The following KIF9 variants were observed in gnomAD, a reference collection of about 807,000 sequenced individuals.
The protein encoded by KIF9 is kinesin-like protein KIF9.
A neutral mutation model predicts 94.8 loss-of-function variants in KIF9; 68 were observed. The observed-to-expected ratio is 0.72, with a 90% CI of 0.59 to 0.88. The LOEUF (loss-of-function observed/expected upper bound fraction) is 0.88. Ranked by LOEUF, KIF9 falls within the 40% of genes least tolerant of loss-of-function variation. KIF9 has a pLI of 0.00. For missense variants in KIF9, 882 were observed against 982.5 expected (o/e 0.90, Z 1.37); for synonymous variants, 343 against 362.1 (o/e 0.95, Z 0.60).
intron 12 of KIF9, among the ~76,000 whole-genome samples, chr3:47,247,007 A>ATCAGCTTCAT (rs1699967584): frequency 6.6e-6 from 1 of 152,144 alleles, no homozygotes; most frequent in Non-Finnish European, 1.5e-5. Context: ...ACCATCCTTC[A>ATCAGCTTCAT]TCAGCTTCAT....
At position 47,246,217 on chromosome 3, in the gene KIF9, G is replaced by GT. The variant is rs1699917445; in HGVS notation, c.1268dup (p.Asn423LysfsTer26). 6.2e-6 allele frequency: 10 copies of GT among 1,613,782 alleles called. No individual in the cohort carries two copies. In the East Asian group the frequency reaches 2.2e-4, roughly 36 times the overall value. ...CTCACCTCAGAACCACCCGGAACTG[G>GT]TTGAACACCTCCTTGATCTGTCTAA... On this transcript the variant is annotated frameshift_variant, in exon 13 of 21. Transcript: ENST00000684063. LOFTEE classifies it high-confidence loss of function.
intron 8 of KIF9, 48 bp from the exon 9 acceptor site, chr3:47,264,398 G>C: frequency 6.7e-7 from 1 of 1,498,556 alleles, no homozygotes; most frequent in Non-Finnish European, 9.3e-7. Context: ...TGTTTTTTCT[G>C]CTCCAAAGGA....
At chr3:47,241,066 G>GC in intron 16 of KIF9, 51 bp from the exon 17 acceptor site, 9 of 1,489,542 alleles carry the variant, frequency 6.0e-6, no homozygotes, top group Non-Finnish European at 6.5e-6. Context: ...GGCTGCCTTG[G>GC]AGCCACCAGG....
intron 10 of KIF9, among the ~76,000 whole-genome samples, chr3:47,251,336 C>T (rs1171550636): frequency 6.6e-5 from 10 of 152,138 alleles, no homozygotes; most frequent in East Asian, 3.9e-4. Context: ...GAGGTCAAGG[C>T]GGGCAGATCA....
At position 47,235,568 on chromosome 3, in the gene KIF9, G is replaced by T; in HGVS notation, c.2267C>A (p.Pro756His). The T allele has an allele frequency of 6.2e-7, 1 of 1,614,134 alleles. No individual in the cohort carries two copies. The highest frequency in any genetic ancestry group is 8.5e-7 in the Non-Finnish European group (1 of 1,179,992). The change falls in exon 20 of 21, where the codon CCT becomes CAT. Residue 756 changes from proline to histidine, a missense_variant. Physicochemically the swap from Pro to His is moderately conservative, Grantham distance 77. Coordinates refer to ENST00000684063, the MANE Select transcript of KIF9 (RefSeq NM_182902.4). ...GAAGGAGATGGAATCAGGGCCCTCA[G>T]GAAGCACCCTCTGCTGCAGCTGGCT... Reference protein sequence around the residue: ...KFSQLQQRVLPEGPDSISFYN... With the variant: ...KFSQLQQRVLHEGPDSISFYN...
intron 9 of KIF9, among the ~76,000 whole-genome samples, chr3:47,260,549 T>G (rs1196771275): frequency 6.6e-6 from 1 of 152,188 alleles, no homozygotes; most frequent in African/African-American, 2.4e-5. Context: ...CCACAGCGCT[T>G]GCTGTGGCCA....
chr3:47,228,373 G>A lies in KIF9; in HGVS notation c.*279C>T, dbSNP rs1698312727. On this transcript the variant is annotated 3_prime_UTR_variant, in exon 21 of 21. Transcript: ENST00000684063. Reference sequence around the variant, plus strand: ...ATATGTCCTTTCAGACAGGAAATAAGACAAAGTTCTCAGATGAGCACTGAA... The same window carrying A: ...ATATGTCCTTTCAGACAGGAAATAAAACAAAGTTCTCAGATGAGCACTGAA... 7.3e-6 allele frequency: 3 copies of A among 411,818 alleles called. No homozygotes were observed. The highest frequency in any genetic ancestry group is 1.3e-5 in the Non-Finnish European group (3 of 224,554). 25.5% of individuals were successfully genotyped at this position (411,818 alleles called of 1,614,324 possible).
At chr3:47,268,272 C>A (rs1353764584) in intron 5 of KIF9, among the ~76,000 whole-genome samples, 2 of 152,130 alleles carry the variant, frequency 1.3e-5, no homozygotes, top group Non-Finnish European at 2.9e-5. Flanking sequence ...TTTGTAGAGA[C>A]AGGGTGGTGG....
chr3:47,243,403 T>C (rs766263354), intron 15 of KIF9, 158 bp from the exon 16 acceptor site: 11 of 504,626 alleles, frequency 2.2e-5, no homozygotes, highest in Non-Finnish European at 3.1e-5. Context: ...AATAGTGTGA[T>C]GCTAAGCCAG....
chr3:47,241,322 C>T (rs1559427360), intron 16 of KIF9, among the ~76,000 whole-genome samples: 1 of 144,794 alleles, frequency 6.9e-6, no homozygotes, highest in African/African-American at 2.5e-5. Context: ...GTATTTCTTT[C>T]TTTTTTTTTT....
At chr3:47,237,793 G>T (rs1180049681) in intron 17 of KIF9, among the ~76,000 whole-genome samples, 1 of 152,246 alleles carries the variant, frequency 6.6e-6, no homozygotes, top group Non-Finnish European at 1.5e-5. Flanking sequence ...GTCATTAATG[G>T]AAAAGCAAAT....
chr3:47,279,240 A>C (rs1268285432), intron 1 of KIF9, among the ~76,000 whole-genome samples: 1 of 150,690 alleles, frequency 6.6e-6, no homozygotes. Context: ...TGGGAGGCTG[A>C]GGATGGCAGA....
rs1025382139 is a variant in KIF9 at position 47,240,721 on chromosome 3, T to C, written c.1924+80A>G. On this transcript the variant is annotated intron_variant, in intron 17 of 20. Coordinates refer to ENST00000684063, the MANE Select transcript of KIF9 (RefSeq NM_182902.4). Reference sequence around the variant, plus strand: ...CTGGCCCCCTCCCATCTCAGACCTCTAGTGCCAAGGGCTGTTCTGCTTCAA... The same window carrying C: ...CTGGCCCCCTCCCATCTCAGACCTCCAGTGCCAAGGGCTGTTCTGCTTCAA... 6 of 1,215,008 alleles carry C rather than the reference T, an allele frequency of 4.9e-6. No individual in the cohort carries two copies. In the East Asian group the frequency reaches 9.3e-5, roughly 19 times the overall value. The allele number at this position is 1,215,008 out of a possible 1,614,324, so 75.3% of individuals were successfully genotyped here.
Position 47,236,564 on chromosome 3 carries a change from G to C in KIF9, c.1980C>G (p.Ile660Met). The C allele has an allele frequency of 6.2e-7, 1 of 1,614,078 alleles. No individual in the cohort carries two copies. The highest frequency in any genetic ancestry group is 2.2e-5 in the East Asian group (1 of 44,886). Residue 660 changes from isoleucine (I) to methionine (M), a missense_variant, in exon 18 of 21, where the codon ATC becomes ATG. Transcript: ENST00000684063. ...MIIDEEEFLLILKLKDLKKQY... is the reference protein window; with the variant it reads ...MIIDEEEFLLMLKLKDLKKQY... Reference sequence around the variant, plus strand: ...GCTTCTTGAGGTCTTTGAGCTTGAGGATCAGCAGGAATTCTTCCTCATCGA... The same window carrying C: ...GCTTCTTGAGGTCTTTGAGCTTGAGCATCAGCAGGAATTCTTCCTCATCGA...
In KIF9 at chr3:47,240,888, T is replaced by C; in HGVS notation, c.1837A>G (p.Thr613Ala). Residue 613 changes from threonine to alanine, a missense_variant, in exon 17 of 21, where the codon ACC becomes GCC. Thr to Ala is a moderately conservative substitution (Grantham distance 58). Transcript: ENST00000684063. The part of the protein sequence containing the change: ...LNERRKRASE[T>A]TQHINAIKRE... Reference sequence around the variant, plus strand: ...TTGATGGCATTGATGTGCTGTGTGGTCTCGCTGGCCCTTTTCCTCCGTTCA... The same window carrying C: ...TTGATGGCATTGATGTGCTGTGTGGCCTCGCTGGCCCTTTTCCTCCGTTCA... The C allele has an allele frequency of 6.2e-7, 1 of 1,614,184 alleles. No individual in the cohort carries two copies. The highest frequency in any genetic ancestry group is 8.5e-7 in the Non-Finnish European group (1 of 1,180,044).
chr3:47,266,465 G>A (rs1302686963), intron 7 of KIF9, among the ~76,000 whole-genome samples: 4 of 152,084 alleles, frequency 2.6e-5, no homozygotes, highest in Non-Finnish European at 4.4e-5. Context: ...GCAACATAGC[G>A]AGACCCCGTC....
chr3:47,255,497 G>A (rs1177251610), intron 10 of KIF9, among the ~76,000 whole-genome samples: 2 of 152,042 alleles, frequency 1.3e-5, no homozygotes. Context: ...TCATGTAGAA[G>A]CCTAGAGCAC....
At chr3:47,261,614 A>G (rs1156756931) in intron 9 of KIF9, among the ~76,000 whole-genome samples, 2 of 152,174 alleles carry the variant, frequency 1.3e-5, no homozygotes, top group Admixed American at 1.3e-4. Flanking sequence ...CAGAGGAAAG[A>G]CTGAAAGGGC....
intron 9 of KIF9, among the ~76,000 whole-genome samples, chr3:47,260,762 C>T (rs901910507): frequency 1.3e-5 from 2 of 152,214 alleles, no homozygotes; most frequent in East Asian, 3.8e-4. Context: ...GTGCTCTTCA[C>T]AGCTGGGAGC....
Sources: gnomAD v4.1 joint callset for allele counts (sites outside exome capture counted in the v4.1 genomes callset) on GRCh38, gnomAD v4.1.1 for gene constraint, MANE v1.5 for transcripts, NCBI Gene and HGNC (gene_info 2026-07-23, HGNC 2026-07-21) for gene names.